PRELID2: variants seen among roughly 807,000 people sequenced by gnomAD.
PRELID2 encodes PRELI domain-containing protein 2.
PRELID2 carries 25 observed loss-of-function variants against 28.4 expected under a neutral mutation model. The ratio of observed to expected loss-of-function variants is 0.88; its 90% CI spans 0.64 to 1.23. The LOEUF is 1.23. PRELID2 is among the 50% of genes most tolerant of loss of function. The pLI, the probability that PRELID2 is intolerant of heterozygous loss-of-function variation, is 0.00. For missense variants in PRELID2, 201 were observed against 214.4 expected (o/e 0.94, Z 0.39); for synonymous variants, 76 against 71.6 (o/e 1.06, Z -0.31).
chr5:145,661,670 A>ATT (rs1561536060), intron 1 of PRELID2, among the ~76,000 whole-genome samples: 2 of 143,734 alleles, frequency 1.4e-5, no homozygotes, highest in African/African-American at 5.8e-5. Flanking sequence ...AGCCATTAAA[A>ATT]AAAAAAAAAA....
chr5:145,450,313 T>A, the PRELID2 span, among the ~76,000 whole-genome samples: 64 of 152,258 alleles, frequency 4.2e-4, no homozygotes, highest in African/African-American at 1.4e-3. Flanking sequence ...CTGTTGTCAA[T>A]GAGAGGCAAT....
rs562059635 is a variant in PRELID2 at position 145,568,177 on chromosome 5, A to T, written n.71-94862T>A. Reference sequence around the variant, plus strand: ...TACTTCTCCTAAACTCGCCAATCAAACTACTCAATTTCCTGGGAAAGCATG... The same window carrying T: ...TACTTCTCCTAAACTCGCCAATCAATCTACTCAATTTCCTGGGAAAGCATG... On this transcript the variant is annotated intron_variant and non_coding_transcript_variant, in intron 1 of 2. Transcript: ENST00000510259. Among the ~76,000 whole-genome samples, 8 of 152,314 alleles carry T rather than the reference A, an allele frequency of 5.3e-5. 1 individual carries two copies. Among genetic ancestry groups the T allele is most frequent in the Admixed American group, 5.2e-4 (8 of 15,304 alleles).
the PRELID2 span, among the ~76,000 whole-genome samples, chr5:145,399,273 G>A: frequency 6.6e-6 from 1 of 152,020 alleles, no homozygotes; most frequent in Non-Finnish European, 1.5e-5. Flanking sequence ...ATTACATGGG[G>A]GTTGGAAATC....
chr5:145,572,147 G>C (rs1187365854), intron 1 of PRELID2, among the ~76,000 whole-genome samples: 1 of 152,068 alleles, frequency 6.6e-6, no homozygotes, highest in Non-Finnish European at 1.5e-5. Flanking sequence ...TAGATAAATT[G>C]GTTGAAAAAA....
Position 145,803,484 on chromosome 5 carries a change from A to G in PRELID2, c.369-6937T>C, listed in dbSNP as rs150758264. Reference sequence around the variant, plus strand: ...CGCGGCTCCTGGAATTAGACCATTTACATTCACATCTTGTTTTAGCTTGCC... The same window carrying G: ...CGCGGCTCCTGGAATTAGACCATTTGCATTCACATCTTGTTTTAGCTTGCC... On this transcript the variant is annotated intron_variant, in intron 4 of 6. Coordinates refer to ENST00000683046, the MANE Select transcript of PRELID2 (RefSeq NM_205846.3). 5.8e-3 allele frequency among the ~76,000 whole-genome samples: 884 copies of G among 152,262 alleles called. 6 individuals carry two copies. The highest frequency in any genetic ancestry group is 0.02 in the African/African-American group (819 of 41,540).
the PRELID2 span, among the ~76,000 whole-genome samples, chr5:145,321,715 A>G: frequency 6.6e-6 from 1 of 152,244 alleles, no homozygotes; most frequent in East Asian, 1.9e-4. Flanking sequence ...TAAGCCTTTC[A>G]AAGTTATAAT....
chr5:145,480,208 T>C (rs1358317080), intron 1 of PRELID2, among the ~76,000 whole-genome samples: 1 of 152,210 alleles, frequency 6.6e-6, no homozygotes, highest in Non-Finnish European at 1.5e-5. Context: ...CTCTTAAGCA[T>C]CTAATGACTT....
At chr5:145,324,809 G>C in the PRELID2 span, among the ~76,000 whole-genome samples, 9 of 152,246 alleles carry the variant, frequency 5.9e-5, no homozygotes, top group East Asian at 1.7e-3. Flanking sequence ...CTTATGCCTA[G>C]AGTGGTTAAA....
chr5:145,581,548 A>T (rs1476358495), intron 1 of PRELID2, among the ~76,000 whole-genome samples: 1 of 152,110 alleles, frequency 6.6e-6, no homozygotes, highest in East Asian at 1.9e-4. Flanking sequence ...GGTGCCTGCC[A>T]GGTCATATCC....
At chr5:145,373,397 ATAT>A in the PRELID2 span, among the ~76,000 whole-genome samples, 9 of 77,348 alleles carry the variant, frequency 1.2e-4, no homozygotes, top group Non-Finnish European at 1.8e-4. Flanking sequence ...AATATATATG[ATAT>A]TATATATTAC....
the PRELID2 span, among the ~76,000 whole-genome samples, chr5:145,319,608 T>C: frequency 2.0e-5 from 3 of 151,870 alleles, no homozygotes; most frequent in African/African-American, 7.3e-5. Context: ...GAGGCAGAGG[T>C]TGCAGTGAGC....
At chr5:145,643,029 G>A (rs1369219452) in intron 1 of PRELID2, among the ~76,000 whole-genome samples, 1 of 152,180 alleles carries the variant, frequency 6.6e-6, no homozygotes, top group Non-Finnish European at 1.5e-5. Context: ...GAACTTTAAA[G>A]TAGTTTTTTC....
chr5:145,334,359 C>A, the PRELID2 span, among the ~76,000 whole-genome samples: 12 of 152,208 alleles, frequency 7.9e-5, no homozygotes. Context: ...TTTAATTCTC[C>A]CCCTCCAAAA....
At chr5:145,475,272 TA>T (rs1045993466) in intron 1 of PRELID2, among the ~76,000 whole-genome samples, 16 of 152,346 alleles carry the variant, frequency 1.1e-4, no homozygotes, top group African/African-American at 3.8e-4. Flanking sequence ...TTCCTTGAAA[TA>T]GAAACTCTTC....
chr5:145,589,680 G>A (rs930813684), intron 1 of PRELID2, among the ~76,000 whole-genome samples: 18 of 151,724 alleles, frequency 1.2e-4, no homozygotes, highest in African/African-American at 4.1e-4. Context: ...AGCTTTATAT[G>A]CATTGCCACA....
At chr5:145,397,303 A>G in the PRELID2 span, among the ~76,000 whole-genome samples, 18 of 152,166 alleles carry the variant, frequency 1.2e-4, no homozygotes, top group African/African-American at 4.3e-4. Flanking sequence ...GAAAATAAAA[A>G]TCTGAGACTC....
chr5:145,229,773 C>CTGAT, the PRELID2 span: 1 of 754,688 alleles, frequency 1.3e-6, no homozygotes, highest in Non-Finnish European at 2.4e-6. Context: ...ATTTGCTGAG[C>CTGAT]TGATATACAC....
chr5:145,580,466 C>T (rs1753099191), intron 1 of PRELID2, among the ~76,000 whole-genome samples: 1 of 152,066 alleles, frequency 6.6e-6, no homozygotes, highest in Non-Finnish European at 1.5e-5. Context: ...CATTCCCTAA[C>T]ATGTGGCTCA....
chr5:145,610,360 C>T (rs1358129206), intron 1 of PRELID2, among the ~76,000 whole-genome samples: 1 of 152,164 alleles, frequency 6.6e-6, no homozygotes, highest in Non-Finnish European at 1.5e-5. Context: ...CCCTTTGTTT[C>T]CTCTCTGTGA....
Sources: allele counts gnomAD v4.1 joint callset (sites outside exome capture counted in the v4.1 genomes callset), GRCh38; gene constraint gnomAD v4.1.1; transcripts MANE v1.5; gene names NCBI Gene and HGNC (gene_info 2026-07-23, HGNC 2026-07-21).